Variants in HSD17B12 observed in about 807,000 individuals in gnomAD.
HSD17B12 encodes the protein very-long-chain 3-oxoacyl-CoA reductase.
HSD17B12 carries 32 observed loss-of-function variants against 39.3 expected under a neutral mutation model. The ratio of observed to expected loss-of-function variants is 0.81; its 90% CI spans 0.61 to 1.09. The LOEUF is 1.09. Ranked by LOEUF, HSD17B12 falls within the 50% of genes least tolerant of loss-of-function variation. The pLI, the probability that HSD17B12 is intolerant of heterozygous loss-of-function variation, is 0.00. For synonymous variants in HSD17B12, 150 were observed against 146.7 expected (o/e 1.02, Z -0.16); for missense variants, 342 against 382.9 (o/e 0.89, Z 0.89).
chr11:43,810,980 T>A (rs1385217149), intron 4 of HSD17B12, among the ~76,000 whole-genome samples: 1 of 152,204 alleles, frequency 6.6e-6, no homozygotes, highest in African/African-American at 2.4e-5. Context: ...TTGTTTGGTT[T>A]GGCGAATCCT....
chr11:43,706,724 T>TGTTGG (rs1204580097), intron 1 of HSD17B12, among the ~76,000 whole-genome samples: 2,532 of 80,234 alleles, frequency 0.032, 30 homozygotes, highest in Non-Finnish European at 0.047. Context: ...GTGTGTGTTG[T>TGTTGG]GGGGGGTGGG....
chr11:43,772,350 G>T (rs774663229), intron 3 of HSD17B12, among the ~76,000 whole-genome samples: 9 of 152,144 alleles, frequency 5.9e-5, no homozygotes, highest in Non-Finnish European at 8.8e-5. Flanking sequence ...GTTTAAGTTG[G>T]TGTGTACTAA....
At chr11:43,581,793 C>T in the HSD17B12 span, among the ~76,000 whole-genome samples, 7 of 152,350 alleles carry the variant, frequency 4.6e-5, no homozygotes, top group South Asian at 2.1e-4. This position sits in a 1 kb window ranked among gnomAD's most constrained non-coding sequence, Gnocchi z 4.9. Context: ...TTCCCCCCAA[C>T]CCCCGCCCAC....
the HSD17B12 span, among the ~76,000 whole-genome samples, chr11:43,559,257 A>G: frequency 4.6e-5 from 7 of 152,292 alleles, no homozygotes; most frequent in African/African-American, 1.7e-4. Flanking sequence ...AGAAAAAAAA[A>G]TCTGGTCCTG....
At chr11:43,798,536 C>T (rs980367689) in intron 4 of HSD17B12, 109 bp downstream of exon 4, 57 of 646,748 alleles carry the variant, frequency 8.8e-5, no homozygotes, top group East Asian at 4.9e-4. Flanking sequence ...CTTATGATTA[C>T]GTAAGACATT....
At chr11:43,714,457 G>A (rs941647504) in intron 1 of HSD17B12, among the ~76,000 whole-genome samples, 9 of 152,204 alleles carry the variant, frequency 5.9e-5, no homozygotes, top group African/African-American at 2.2e-4. Context: ...TATTTCTGAG[G>A]GTTCTGTTCT....
At chr11:43,565,804 C>T in the HSD17B12 span, among the ~76,000 whole-genome samples, 1 of 152,160 alleles carries the variant, frequency 6.6e-6, no homozygotes, top group East Asian at 1.9e-4. Context: ...AATGCTTCAT[C>T]CTAGAAGTAA....
chr11:43,816,210 C>T, intron 5 of HSD17B12, 137 bp from the exon 6 acceptor site: 1 of 637,848 alleles, frequency 1.6e-6, no homozygotes, highest in Non-Finnish European at 2.4e-6. Flanking sequence ...CCTCTCTACC[C>T]CAACTCTTGT....
chr11:43,684,725 T>C (rs1949781994), intron 1 of HSD17B12, among the ~76,000 whole-genome samples: 1 of 152,216 alleles, frequency 6.6e-6, no homozygotes, highest in Non-Finnish European at 1.5e-5. Context: ...ACCATACAAT[T>C]TGCCCATTTA....
At chr11:43,678,115 G>T (rs1949707184), upstream of HSD17B12, among the ~76,000 whole-genome samples, 1 of 152,160 alleles carries the variant, frequency 6.6e-6, no homozygotes. Flanking sequence ...ACTTTTTAAT[G>T]ATTGCCATTC....
At chr11:43,567,531 A>G in the HSD17B12 span, among the ~76,000 whole-genome samples, 1 of 152,218 alleles carries the variant, frequency 6.6e-6, no homozygotes, top group Non-Finnish European at 1.5e-5. Context: ...TGTTCTATAG[A>G]GAAATGAAGG....
chr11:43,692,334 C>T (rs926368121), intron 1 of HSD17B12, among the ~76,000 whole-genome samples: 1 of 152,110 alleles, frequency 6.6e-6, no homozygotes, highest in Non-Finnish European at 1.5e-5. Context: ...TGAAAATAAA[C>T]CAAGGCTGGT....
At chr11:43,654,773 G>A in the HSD17B12 span, among the ~76,000 whole-genome samples, 1 of 152,210 alleles carries the variant, frequency 6.6e-6, no homozygotes, top group Non-Finnish European at 1.5e-5. Flanking sequence ...TTTGGTACCA[G>A]TACCATGCTG....
intron 1 of HSD17B12, among the ~76,000 whole-genome samples, chr11:43,704,501 C>T (rs559770585): frequency 2.0e-5 from 3 of 152,296 alleles, no homozygotes; most frequent in South Asian, 2.1e-4. Context: ...AGGGTGACTG[C>T]AACACTTGGG....
At chr11:43,676,774 A>G (rs1949697884), upstream of HSD17B12, among the ~76,000 whole-genome samples, 1 of 152,188 alleles carries the variant, frequency 6.6e-6, no homozygotes, top group Non-Finnish European at 1.5e-5. Context: ...GTTCCCTATA[A>G]TCATAGATTC....
chr11:43,574,351 A>T, the HSD17B12 span, among the ~76,000 whole-genome samples: 1 of 152,344 alleles, frequency 6.6e-6, no homozygotes, highest in South Asian at 2.1e-4. Flanking sequence ...GGGAAGGTCG[A>T]TAATTAGGGT....
At chr11:43,748,138 G>A (rs115559121) in intron 1 of HSD17B12, among the ~76,000 whole-genome samples, 4,172 of 152,034 alleles carry the variant, frequency 0.027, 198 homozygotes, top group African/African-American at 0.094. Context: ...AAAAACAGTC[G>A]GGAGATGAAA....
intron 1 of HSD17B12, among the ~76,000 whole-genome samples, chr11:43,713,812 T>C (rs553301613): frequency 7.9e-5 from 12 of 152,248 alleles, no homozygotes; most frequent in African/African-American, 2.9e-4. Flanking sequence ...TTTTAATGAT[T>C]GCCATTCTAA....
intron 1 of HSD17B12, among the ~76,000 whole-genome samples, chr11:43,686,742 G>A (rs200418349): frequency 6.6e-6 from 1 of 152,068 alleles, no homozygotes; most frequent in East Asian, 1.9e-4. Flanking sequence ...GGGTAAATGA[G>A]AATACTTATT....
Sources: allele counts gnomAD v4.1 joint callset (sites outside exome capture counted in the v4.1 genomes callset), GRCh38; gene constraint gnomAD v4.1.1; non-coding constraint Gnocchi (gnomAD v3.1); transcripts MANE v1.5; gene names NCBI Gene and HGNC (gene_info 2026-07-23, HGNC 2026-07-21).